PTPRT: variants seen among roughly 807,000 people sequenced by gnomAD.
PTPRT encodes receptor-type tyrosine-protein phosphatase T.
Under a neutral mutation model 176.8 loss-of-function variants are expected in PTPRT, and 56 were observed. The ratio of observed to expected loss-of-function variants is 0.32; its 90% CI spans 0.26 to 0.40. PTPRT has a LOEUF of 0.40. PTPRT is among the 10% of genes least tolerant of loss of function. The pLI is 1.00. For missense variants in PTPRT, 1,540 were observed against 1,908.2 expected, an observed-to-expected ratio of 0.81 and a Z score of 3.60; for synonymous variants, 783 against 739.0, an observed-to-expected ratio of 1.06 and a Z score of -0.96.
At chr20:42,764,156 T>C in intron 5 of PTPRT, among the ~76,000 whole-genome samples, 1 of 152,068 alleles carries the variant, frequency 6.6e-6, no homozygotes, top group East Asian at 1.9e-4. Context: ...GTCAGTATCA[T>C]CAAATCTGAA....
intron 27 of PTPRT, among the ~76,000 whole-genome samples, chr20:42,095,180 A>C (rs1169669345): frequency 6.6e-6 from 1 of 152,080 alleles, no homozygotes; most frequent in Non-Finnish European, 1.5e-5. Flanking sequence ...CCATTTCAGA[A>C]ACCACTCTTC....
At chr20:43,120,720 C>A (rs1196341528) in intron 1 of PTPRT, among the ~76,000 whole-genome samples, 1 of 152,214 alleles carries the variant, frequency 6.6e-6, no homozygotes, top group African/African-American at 2.4e-5. Flanking sequence ...GTCAAGTCTA[C>A]ATGAAAACGA....
At chr20:42,689,583 T>C (rs927160170) in intron 6 of PTPRT, among the ~76,000 whole-genome samples, 2 of 152,182 alleles carry the variant, frequency 1.3e-5, no homozygotes, top group African/African-American at 2.4e-5. Context: ...CACAGAATAG[T>C]GGTCCCAAAA....
the PTPRT span, among the ~76,000 whole-genome samples, chr20:42,057,614 G>C: frequency 1.3e-5 from 2 of 152,010 alleles, no homozygotes; most frequent in African/African-American, 4.8e-5. Context: ...TTAGAAACAG[G>C]GTCTTGCTCT....
At chr20:42,241,088 T>C (rs1310995543) in intron 14 of PTPRT, among the ~76,000 whole-genome samples, 1 of 152,198 alleles carries the variant, frequency 6.6e-6, no homozygotes, top group Non-Finnish European at 1.5e-5. Context: ...AGTTGTTAAG[T>C]GGCATGGCAG....
chr20:42,261,335 C>T (rs1235914559), intron 13 of PTPRT, among the ~76,000 whole-genome samples: 2 of 151,394 alleles, frequency 1.3e-5, no homozygotes, highest in East Asian at 3.9e-4. Context: ...TGTAAGGACA[C>T]CGGGCATATT....
chr20:42,769,019 A>AT (rs1384743321), intron 5 of PTPRT, among the ~76,000 whole-genome samples: 1 of 152,220 alleles, frequency 6.6e-6, no homozygotes. Flanking sequence ...AGGCAATGCC[A>AT]TTGAAATCAC....
intron 2 of PTPRT, among the ~76,000 whole-genome samples, chr20:42,852,011 T>C (rs1030033503): frequency 6.6e-6 from 1 of 152,246 alleles, no homozygotes; most frequent in Admixed American, 6.5e-5. Context: ...TTATCTTATT[T>C]TGTATTCTGT....
At chr20:42,870,397 C>T (rs183513386) in intron 2 of PTPRT, among the ~76,000 whole-genome samples, 5 of 152,260 alleles carry the variant, frequency 3.3e-5, no homozygotes, top group East Asian at 1.9e-4. Flanking sequence ...TTTCTTTATC[C>T]GTCCATCTGT....
intron 1 of PTPRT, among the ~76,000 whole-genome samples, chr20:43,114,056 C>A (rs2012963737): frequency 6.6e-6 from 1 of 152,182 alleles, no homozygotes; most frequent in South Asian, 2.1e-4. Context: ...TACACACATA[C>A]ACAAACTTCA....
intron 4 of PTPRT, among the ~76,000 whole-genome samples, chr20:42,776,807 T>A (rs2077143571): frequency 6.7e-6 from 1 of 148,528 alleles, no homozygotes; most frequent in Non-Finnish European, 1.5e-5. Flanking sequence ...TAATTATTTA[T>A]ATACTATAAC....
intron 9 of PTPRT, among the ~76,000 whole-genome samples, chr20:42,441,611 G>C (rs935341709): frequency 3.9e-5 from 6 of 152,284 alleles, no homozygotes; most frequent in Admixed American, 3.9e-4. Context: ...GAAGGGGGTG[G>C]GCAGGGAGGA....
At chr20:42,052,696 C>G in the PTPRT span, among the ~76,000 whole-genome samples, 1 of 152,190 alleles carries the variant, frequency 6.6e-6, no homozygotes, top group Non-Finnish European at 1.5e-5. Flanking sequence ...GTCTCAGGTG[C>G]TCACCTTGCA....
chr20:42,332,091 T>G (rs2057973526), intron 11 of PTPRT, among the ~76,000 whole-genome samples: 1 of 152,168 alleles, frequency 6.6e-6, no homozygotes, highest in Non-Finnish European at 1.5e-5. Flanking sequence ...AAGCATTAAT[T>G]TTATTAAATC....
chr20:43,103,750 G>GTAATAATAATAATAGTAA, intron 1 of PTPRT, among the ~76,000 whole-genome samples: 1 of 146,090 alleles, frequency 6.8e-6, no homozygotes, highest in East Asian at 2.0e-4. Context: ...GGGGAGATCA[G>GTAATAATAATAATAGTAA]TAATAATAAT....
At chr20:42,098,875 C>G (rs1231024249) in intron 26 of PTPRT, among the ~76,000 whole-genome samples, 1 of 152,228 alleles carries the variant, frequency 6.6e-6, no homozygotes, top group Non-Finnish European at 1.5e-5. Flanking sequence ...ATTTGTTGCT[C>G]TACTGGTCAA....
intron 2 of PTPRT, among the ~76,000 whole-genome samples, chr20:42,869,027 G>A (rs1257189051): frequency 3.3e-5 from 5 of 152,190 alleles, no homozygotes; most frequent in South Asian, 4.1e-4. Context: ...CCCTGCAGGT[G>A]TGCAGAGTGC....
intron 15 of PTPRT, among the ~76,000 whole-genome samples, chr20:42,206,034 A>G (rs1254308894): frequency 6.6e-6 from 1 of 152,126 alleles, no homozygotes; most frequent in African/African-American, 2.4e-5. Flanking sequence ...TGTAGGATGC[A>G]AGCCCTGCTT....
intron 7 of PTPRT, among the ~76,000 whole-genome samples, chr20:42,604,790 T>C (rs184744917): frequency 4.2e-4 from 64 of 152,278 alleles, no homozygotes; most frequent in African/African-American, 1.4e-3. Flanking sequence ...TTGAGTTCCA[T>C]AATTGTACCA....
Sources: gnomAD v4.1 joint callset for allele counts (sites outside exome capture counted in the v4.1 genomes callset) on GRCh38, gnomAD v4.1.1 for gene constraint, MANE v1.5 for transcripts, NCBI Gene and HGNC (gene_info 2026-07-23, HGNC 2026-07-21) for gene names.